The following SP140L variants were observed in gnomAD, a reference collection of about 807,000 sequenced individuals.
The protein encoded by SP140L is nuclear body protein SP140-like protein.
In SP140L, 64 loss-of-function variants were observed where a neutral mutation model predicts 84.3. The ratio of observed to expected loss-of-function variants is 0.76; its 90% CI spans 0.62 to 0.94. The LOEUF (loss-of-function observed/expected upper bound fraction) is 0.94. Ranked by LOEUF, SP140L falls within the 40% of genes least tolerant of loss-of-function variation. The pLI is 0.00. For missense variants in SP140L, 628 were observed against 692.5 expected (o/e 0.91, Z 1.05); for synonymous variants, 242 against 236.9 (o/e 1.02, Z -0.20).
chr2:230,340,079 T>C (rs1047159471), intron 2 of SP140L, among the ~76,000 whole-genome samples: 5 of 147,570 alleles, frequency 3.4e-5, no homozygotes, highest in African/African-American at 1.3e-4. Context: ...CTGTCTAATA[T>C]TGACAGTGGG....
intron 4 of SP140L, among the ~76,000 whole-genome samples, chr2:230,360,594 T>C (rs1489174463): frequency 6.6e-6 from 1 of 152,206 alleles, no homozygotes; most frequent in Admixed American, 6.5e-5. Context: ...AAGGGAATAG[T>C]GTTACATTTA....
chr2:230,350,101 A>G (rs59352509), intron 2 of SP140L, among the ~76,000 whole-genome samples: 18,314 of 152,222 alleles, frequency 0.12, 1,154 homozygotes, highest in Middle Eastern at 0.15. Flanking sequence ...AAAAATGGTA[A>G]AAAGAAAGAT....
At chr2:230,400,026 T>C (rs1173393761) in intron 14 of SP140L, 101 bp from the exon 15 acceptor site, 4 of 1,233,248 alleles carry the variant, frequency 3.2e-6, no homozygotes, top group Non-Finnish European at 4.7e-6. Context: ...TATGCCTGTC[T>C]ATACAGGCTC....
At chr2:230,357,287 C>T (rs1181415022) in intron 2 of SP140L, among the ~76,000 whole-genome samples, 1 of 152,042 alleles carries the variant, frequency 6.6e-6, no homozygotes, top group Non-Finnish European at 1.5e-5. Context: ...ATTATTAAAC[C>T]ACATTGTATT....
At chr2:230,394,160 T>C (rs1438442057) in intron 13 of SP140L, among the ~76,000 whole-genome samples, 1 of 152,220 alleles carries the variant, frequency 6.6e-6, no homozygotes, top group East Asian at 1.9e-4. Flanking sequence ...ACCTCTTTGG[T>C]TCTACCAGAG....
rs200306286 is a variant in SP140L, at chr2:230,367,295, C to CTTTTT, written c.524-3602_524-3598dup. 4.4e-4 allele frequency among the ~76,000 whole-genome samples: 52 copies of CTTTTT among 118,044 alleles called. 1 individual carries two copies. Among genetic ancestry groups the CTTTTT allele is most frequent in the African/African-American group, 1.5e-3 (46 of 30,714 alleles). 77.4% of individuals were successfully genotyped at this position (118,044 alleles called of 152,430 possible). ...TTTTTTTCCTTTCTTTCTTTTTTTTCTTTTTTTTTTTTTTTGAGACAGAGT... is the reference window on the plus strand; with the variant it reads ...TTTTTTTCCTTTCTTTCTTTTTTTTCTTTTTTTTTTTTTTTTTTTTGAGACAGAGT... On this transcript the variant is annotated intron_variant, in intron 5 of 18. Transcript: ENST00000415673.
At chr2:230,395,715 A>G (rs1362475722) in intron 13 of SP140L, among the ~76,000 whole-genome samples, 1 of 152,252 alleles carries the variant, frequency 6.6e-6, no homozygotes, top group Non-Finnish European at 1.5e-5. Context: ...GCTTTAGATC[A>G]CACTTGTTTA....
intron 3 of SP140L, 82 bp from the exon 4 acceptor site, chr2:230,358,882 A>G (rs1429267715): frequency 1.7e-6 from 2 of 1,151,322 alleles, no homozygotes; most frequent in Non-Finnish European, 1.2e-6. Flanking sequence ...ATTGAAATTC[A>G]GTAACCATAA....
chr2:230,390,155 G>A (rs2061741286), intron 11 of SP140L, 132 bp downstream of exon 11: 2 of 739,034 alleles, frequency 2.7e-6, no homozygotes, highest in East Asian at 2.7e-5. Flanking sequence ...AAGGAGGAAG[G>A]GATCCCTAAG....
chr2:230,387,079 A>G (rs1399186291), intron 9 of SP140L, among the ~76,000 whole-genome samples: 1 of 152,182 alleles, frequency 6.6e-6, no homozygotes, highest in Non-Finnish European at 1.5e-5. Flanking sequence ...AGAGCTTCTC[A>G]GAGAGCCACA....
intron 7 of SP140L, chr2:230,372,581 C>T (rs983400794): frequency 1.3e-5 from 2 of 151,760 alleles, no homozygotes; most frequent in South Asian, 2.1e-4. Flanking sequence ...AAAAATTAGC[C>T]GGGCGTGTTG....
chr2:230,349,238 C>A (rs1403856577), intron 2 of SP140L, among the ~76,000 whole-genome samples: 1 of 152,188 alleles, frequency 6.6e-6, no homozygotes, highest in Middle Eastern at 3.2e-3. Flanking sequence ...CTGAATTATA[C>A]CAGTACAATA....
chr2:230,354,308 G>A (rs1346372376), intron 2 of SP140L, among the ~76,000 whole-genome samples: 1 of 152,138 alleles, frequency 6.6e-6, no homozygotes, highest in Non-Finnish European at 1.5e-5. Context: ...TCTCATTAAT[G>A]CATTTGATAA....
intron 14 of SP140L, among the ~76,000 whole-genome samples, chr2:230,397,670 G>A (rs2062112568): frequency 1.3e-5 from 2 of 152,172 alleles, no homozygotes; most frequent in African/African-American, 2.4e-5. Context: ...GACTCACATA[G>A]AATATCATGC....
At chr2:230,392,262 C>T (rs938035530) in intron 12 of SP140L, 33 bp downstream of exon 12, 1 of 1,611,008 alleles carries the variant, frequency 6.2e-7, no homozygotes, top group Non-Finnish European at 8.5e-7. Flanking sequence ...GACCTGTGCC[C>T]ATTCTTCTTG....
At chr2:230,381,749 C>T (rs1038449388) in intron 7 of SP140L, among the ~76,000 whole-genome samples, 2 of 151,394 alleles carry the variant, frequency 1.3e-5, no homozygotes, top group Admixed American at 6.6e-5. Context: ...CACACACACA[C>T]ACACACACAC....
chr2:230,359,190 T>C, intron 4 of SP140L, 58 bp downstream of exon 4: 1 of 1,479,450 alleles, frequency 6.8e-7, no homozygotes, highest in Non-Finnish European at 9.4e-7. Context: ...TCAATAAGCA[T>C]ATGTTTGAGC....
chr2:230,402,843 G>C lies in SP140L; in HGVS notation c.1690G>C (p.Glu564Gln). The C allele has an allele frequency of 1.2e-6, 2 of 1,613,172 alleles. No homozygotes were observed. The highest frequency in any genetic ancestry group is 1.7e-6 in the Non-Finnish European group (2 of 1,179,774). Reference protein sequence around the residue: ...QMGLRLEAEFEKDFKEVFAIQ... With the variant: ...QMGLRLEAEFQKDFKEVFAIQ... ...GGGACTTAGACTGGAGGCTGAATTT[G>C]AGAAGGATTTCAAGGAAGTGTTTGC... Residue 564 changes from glutamate (E) to glutamine (Q), a missense_variant, in exon 19 of 19, where the codon GAG (glutamate) becomes CAG (glutamine). Coordinates refer to ENST00000415673, the MANE Select transcript of SP140L (RefSeq NM_138402.6).
At chr2:230,339,240 C>G (rs77426097) in intron 2 of SP140L, among the ~76,000 whole-genome samples, 6 of 152,188 alleles carry the variant, frequency 3.9e-5, no homozygotes, top group African/African-American at 1.2e-4. Flanking sequence ...TGTATGTGTC[C>G]AGGAATTTAT....
Sources: gnomAD v4.1 joint callset for allele counts (sites outside exome capture counted in the v4.1 genomes callset) on GRCh38, gnomAD v4.1.1 for gene constraint, MANE v1.5 for transcripts, NCBI Gene and HGNC (gene_info 2026-07-23, HGNC 2026-07-21) for gene names.